PTPRB: variants seen among roughly 807,000 people sequenced by gnomAD.
PTPRB encodes receptor-type tyrosine-protein phosphatase beta.
A neutral mutation model predicts 238.1 loss-of-function variants in PTPRB; 97 were observed. The ratio of observed to expected loss-of-function variants is 0.41; its 90% CI spans 0.35 to 0.48. PTPRB has a LOEUF of 0.48. Among genes scored for constraint, PTPRB ranks in the 20% least tolerant of loss-of-function variants. The pLI is 0.30. For missense variants in PTPRB, 2,292 were observed against 2,681.9 expected (o/e 0.85, Z 3.21); for synonymous variants, 970 against 995.4 (o/e 0.97, Z 0.48).
At chr12:70,561,467 C>A (rs1405313018) in intron 16 of PTPRB, among the ~76,000 whole-genome samples, 2 of 152,302 alleles carry the variant, frequency 1.3e-5, no homozygotes, top group Admixed American at 1.3e-4. Context: ...TGCCACCTAT[C>A]CCAATAGCTT....
intron 2 of PTPRB, among the ~76,000 whole-genome samples, chr12:70,628,951 C>G (rs1192205262): frequency 6.6e-6 from 1 of 152,134 alleles, no homozygotes; most frequent in Non-Finnish European, 1.5e-5. Context: ...ATGCCATACA[C>G]TAACTATTCA....
intron 13 of PTPRB, 85 bp from the exon 14 acceptor site, chr12:70,570,023 T>A (rs566784485): frequency 7.8e-7 from 1 of 1,277,870 alleles, no homozygotes; most frequent in Non-Finnish European, 1.1e-6. Flanking sequence ...GCTTCTGATG[T>A]TTTGGCACCC....
At chr12:70,586,364 T>C (rs1434693673) in intron 9 of PTPRB, among the ~76,000 whole-genome samples, 4 of 152,194 alleles carry the variant, frequency 2.6e-5, no homozygotes, top group African/African-American at 9.6e-5. Context: ...ACCATGATTA[T>C]AAGTTTCCTG....
intron 3 of PTPRB, among the ~76,000 whole-genome samples, chr12:70,611,679 T>C (rs894367821): frequency 1.1e-4 from 17 of 152,238 alleles, no homozygotes; most frequent in African/African-American, 3.1e-4. Context: ...CGAGAGATTC[T>C]ACAGACTTTT....
Position 70,534,889 on chromosome 12 carries a change from T to C in PTPRB, c.6148A>G (p.Met2050Val). Residue 2050 changes from methionine (M) to valine (V), a missense_variant, in exon 30 of 34, where the codon ATG becomes GTG. Transcript: ENST00000334414. ...SLYYGDLILQ[M>V]LSESVLPEWT... ...TCAGGCAGGACGGACTCTGAGAGCA[T>C]CTGCAGGATGAGGTCCCCATAGTAG... is the stretch of plus-strand genomic sequence containing the variant. The C allele has an allele frequency of 6.2e-7, 1 of 1,613,934 alleles. No individual in the cohort carries two copies. Among genetic ancestry groups the C allele is most frequent in the Non-Finnish European group, 8.5e-7 (1 of 1,179,856 alleles).
chr12:70,588,109 A>AAAAAGAAAAG (rs1170649760), intron 8 of PTPRB, among the ~76,000 whole-genome samples: 1 of 136,974 alleles, frequency 7.3e-6, no homozygotes, highest in Non-Finnish European at 1.6e-5. Flanking sequence ...AAAAAAAAAA[A>AAAAAGAAAAG]AAAAGAAAAG....
intron 2 of PTPRB, among the ~76,000 whole-genome samples, chr12:70,627,817 A>T (rs987954121): frequency 6.6e-6 from 1 of 152,204 alleles, no homozygotes; most frequent in African/African-American, 2.4e-5. Context: ...CGTGACAGCC[A>T]ATTTAGTACA....
chr12:70,629,222 A>G (rs1394770283), intron 2 of PTPRB, among the ~76,000 whole-genome samples: 6 of 152,198 alleles, frequency 3.9e-5, no homozygotes, highest in Non-Finnish European at 8.8e-5. Flanking sequence ...CAAATGTAAA[A>G]GAAGAGAAAT....
intron 5 of PTPRB, 45 bp from the exon 6 acceptor site, chr12:70,594,769 T>A: frequency 6.3e-7 from 1 of 1,597,978 alleles, no homozygotes; most frequent in Non-Finnish European, 8.6e-7. Context: ...ATAATTCCCT[T>A]ATAGGAGACA....
At chr12:70,577,414 A>C (rs1219081116) in intron 10 of PTPRB, among the ~76,000 whole-genome samples, 3 of 152,188 alleles carry the variant, frequency 2.0e-5, no homozygotes, top group Non-Finnish European at 4.4e-5. Flanking sequence ...AAAATGAAAA[A>C]CGCATGAATG....
At chr12:70,548,526 T>C (rs1392140338) in intron 21 of PTPRB, among the ~76,000 whole-genome samples, 1 of 152,152 alleles carries the variant, frequency 6.6e-6, no homozygotes. Context: ...AATAAAAGCA[T>C]TGGCTATAAC....
chr12:70,632,834 C>G (rs1885516333), intron 2 of PTPRB, among the ~76,000 whole-genome samples: 1 of 152,156 alleles, frequency 6.6e-6, no homozygotes, highest in Non-Finnish European at 1.5e-5. Context: ...GTTTTATACT[C>G]TAGTATTAGT....
chr12:70,572,576 T>C (rs1238121056), intron 11 of PTPRB, among the ~76,000 whole-genome samples: 2 of 151,858 alleles, frequency 1.3e-5, no homozygotes, highest in Non-Finnish European at 2.9e-5. Flanking sequence ...GAGAACAGCC[T>C]GGCCAACATG....
At chr12:70,598,360 A>G (rs1030531975) in intron 4 of PTPRB, among the ~76,000 whole-genome samples, 1 of 152,216 alleles carries the variant, frequency 6.6e-6, no homozygotes, top group Non-Finnish European at 1.5e-5. Context: ...GTTAGCTGTT[A>G]TTATTTTTAT....
chr12:70,626,361 A>T (rs1277532489), intron 2 of PTPRB, among the ~76,000 whole-genome samples: 2 of 117,692 alleles, frequency 1.7e-5, no homozygotes, highest in African/African-American at 7.5e-5. Context: ...CTATCTATCT[A>T]TCTATATTCC....
chr12:70,622,159 T>C (rs10506598), intron 3 of PTPRB, among the ~76,000 whole-genome samples: 43,043 of 152,066 alleles, frequency 0.28, 6,303 homozygotes, highest in African/African-American at 0.34. Context: ...CATACAGTTA[T>C]TCCATGGCAG....
At chr12:70,521,918 C>T (rs1007699026) in intron 33 of PTPRB, among the ~76,000 whole-genome samples, 2 of 152,112 alleles carry the variant, frequency 1.3e-5, no homozygotes, top group Non-Finnish European at 2.9e-5. Flanking sequence ...ATTCTTAAGT[C>T]AAAACAAGAC....
intron 27 of PTPRB, 133 bp downstream of exon 27, chr12:70,538,791 A>G: frequency 1.5e-6 from 1 of 678,592 alleles, no homozygotes. Context: ...GCTATTTCTT[A>G]TTAAAGGCAT....
intron 31 of PTPRB, among the ~76,000 whole-genome samples, 194 bp downstream of exon 31, chr12:70,534,294 A>G (rs1314740804): frequency 6.6e-6 from 1 of 152,168 alleles, no homozygotes; most frequent in Non-Finnish European, 1.5e-5. Flanking sequence ...AAGAAAGTGG[A>G]AAAGAAGTCA....
Sources: gnomAD v4.1 joint callset for allele counts (sites outside exome capture counted in the v4.1 genomes callset) on GRCh38, gnomAD v4.1.1 for gene constraint, MANE v1.5 for transcripts, NCBI Gene and HGNC (gene_info 2026-07-23, HGNC 2026-07-21) for gene names.